Variants in AP3B1 observed in about 807,000 individuals in gnomAD.
AP3B1 encodes AP-3 complex subunit beta-1.
AP3B1 carries 61 observed loss-of-function variants against 132.5 expected under a neutral mutation model. The observed-to-expected ratio is 0.46, with a 90% confidence interval of 0.37 to 0.57. The LOEUF (loss-of-function observed/expected upper bound fraction) is 0.57. Ranked by LOEUF, AP3B1 falls within the 20% of genes least tolerant of loss-of-function variation. The pLI is 0.00. For missense variants in AP3B1, 1,120 were observed against 1,289.4 expected (o/e 0.87, Z 2.01); for synonymous variants, 388 against 438.3 (o/e 0.89, Z 1.43).
intron 1 of AP3B1, among the ~76,000 whole-genome samples, chr5:78,272,031 C>T (rs1050708902): frequency 6.6e-6 from 1 of 152,150 alleles, no homozygotes; most frequent in Non-Finnish European, 1.5e-5. Context: ...GAAACATTTG[C>T]CATCTATTGT....
chr5:78,128,214 A>C, intron 16 of AP3B1, 54 bp from the exon 17 acceptor site: 14 of 1,438,302 alleles, frequency 9.7e-6, no homozygotes, highest in Non-Finnish European at 1.3e-5. Flanking sequence ...TATATAACAG[A>C]GAACAATCAT....
At chr5:78,038,259 C>T (rs1377845249) in intron 23 of AP3B1, among the ~76,000 whole-genome samples, 1 of 152,118 alleles carries the variant, frequency 6.6e-6, no homozygotes, top group Non-Finnish European at 1.5e-5. Context: ...AGATTGAAAA[C>T]ATGTAAAAAT....
intron 9 of AP3B1, among the ~76,000 whole-genome samples, chr5:78,176,994 T>C (rs1052887649): frequency 6.6e-6 from 1 of 152,204 alleles, no homozygotes; most frequent in Non-Finnish European, 1.5e-5. Context: ...TACTTCAGTA[T>C]AGTTTTTCAG....
At position 78,074,933 on chromosome 5, in the gene AP3B1, CA is replaced by C. The variant is rs1020356556; in HGVS notation, c.2577+14459del. On this transcript the variant is annotated intron_variant, in intron 22 of 26. Coordinates refer to ENST00000255194, the MANE Select transcript of AP3B1 (RefSeq NM_003664.5). ...GGGCAACAAAAGCAAAACCCTGTCT[CA>C]AAAAAAAAAGATGATTCTTCTACTA... Among the ~76,000 whole-genome samples, 97 of 145,388 alleles carry C rather than the reference CA, an allele frequency of 6.7e-4. 1 individual carries two copies. The highest frequency in any genetic ancestry group is 9.9e-4 in the Non-Finnish European group (65 of 65,866).
intron 19 of AP3B1, among the ~76,000 whole-genome samples, chr5:78,112,063 G>A (rs368564742): frequency 1.3e-5 from 2 of 152,006 alleles, no homozygotes; most frequent in African/African-American, 2.4e-5. Flanking sequence ...TTACTAAAGG[G>A]TGGTTTTTGA....
chr5:78,113,967 T>C, intron 18 of AP3B1, 44 bp from the exon 19 acceptor site: 1 of 1,593,892 alleles, frequency 6.3e-7, no homozygotes, highest in Non-Finnish European at 8.6e-7. Flanking sequence ...AGTCATTTAA[T>C]TAGACACACG....
intron 7 of AP3B1, among the ~76,000 whole-genome samples, chr5:78,184,262 C>T (rs895344815): frequency 1.3e-5 from 2 of 151,478 alleles, no homozygotes; most frequent in African/African-American, 4.8e-5. Context: ...AGAACCAAAA[C>T]TAAAAACCTA....
chr5:78,067,249 G>A, intron 22 of AP3B1, among the ~76,000 whole-genome samples: 1 of 152,164 alleles, frequency 6.6e-6, no homozygotes, highest in Middle Eastern at 3.2e-3. Flanking sequence ...ACCTAATATA[G>A]GAGCACCCAG....
chr5:78,166,962 A>G (rs978981952), intron 11 of AP3B1, among the ~76,000 whole-genome samples: 23 of 152,234 alleles, frequency 1.5e-4, no homozygotes, highest in East Asian at 1.9e-4. Flanking sequence ...CCCAAACCCA[A>G]TAACAAATGC....
chr5:78,158,765 C>A (rs147367623), intron 13 of AP3B1, among the ~76,000 whole-genome samples: 1 of 151,388 alleles, frequency 6.6e-6, no homozygotes, highest in African/African-American at 2.4e-5. Context: ...GGCGCAATCT[C>A]GGCTCACTGC....
chr5:78,074,677 G>A (rs1246210000), intron 22 of AP3B1, among the ~76,000 whole-genome samples: 2 of 152,162 alleles, frequency 1.3e-5, no homozygotes, highest in Admixed American at 6.5e-5. Context: ...CACCGGGCAC[G>A]GTGGCTCATG....
rs1245621782 is a variant in AP3B1, at chr5:78,114,053, AACATTTTATTCCC to A, written c.2078-143_2078-131del. On this transcript the variant is annotated intron_variant, in intron 18 of 26. Coordinates refer to ENST00000255194, the MANE Select transcript of AP3B1 (RefSeq NM_003664.5). ...TTAGTTCAGTGGACACCACTTGTTT[AACATTTTATTCCC>A]ACACCCCATTCTTTCAGCTCTATGG... is the stretch of plus-strand genomic sequence containing the variant. 65 of 1,005,552 alleles carry A rather than the reference AACATTTTATTCCC, an allele frequency of 6.5e-5. No homozygotes were observed. The African/African-American group carries it at 9.3e-4, about 14-fold the overall frequency. The allele number at this position is 1,005,552 out of a possible 1,614,324, so 62.3% of individuals were successfully genotyped here.
At chr5:78,201,141 T>C (rs1022798803) in intron 7 of AP3B1, among the ~76,000 whole-genome samples, 1 of 152,160 alleles carries the variant, frequency 6.6e-6, no homozygotes, top group African/African-American at 2.4e-5. Flanking sequence ...ATCAGAACTG[T>C]GAGAAAATAA....
At chr5:78,075,267 C>T (rs1749717836) in intron 22 of AP3B1, among the ~76,000 whole-genome samples, 1 of 152,190 alleles carries the variant, frequency 6.6e-6, no homozygotes, top group South Asian at 2.1e-4. Flanking sequence ...TAACTTCAAT[C>T]ACAATAGTTA....
At chr5:78,203,822 T>C (rs1290930269) in intron 7 of AP3B1, among the ~76,000 whole-genome samples, 3 of 152,208 alleles carry the variant, frequency 2.0e-5, no homozygotes, top group African/African-American at 4.8e-5. Context: ...ATAATCTCAA[T>C]TGACTTAAGT....
In AP3B1 at chr5:78,206,617, G is replaced by A. The variant is rs149262119; in HGVS notation, c.786+9438C>T. Among the ~76,000 whole-genome samples the A allele has an allele frequency of 9.1e-4, 138 of 152,058 alleles. 1 individual carries two copies. The highest frequency in any genetic ancestry group is 3.1e-3 in the African/African-American group (130 of 41,474). On this transcript the variant is annotated intron_variant, in intron 7 of 26. Transcript: ENST00000255194. ...TCACTCAACACGTTACTAAGAACACGAAATCAATCAAACAGAAGTTCAAAG... is the reference window on the plus strand; with the variant it reads ...TCACTCAACACGTTACTAAGAACACAAAATCAATCAAACAGAAGTTCAAAG...
At chr5:78,165,715 T>G (rs771399828) in intron 11 of AP3B1, 43 bp from the exon 12 acceptor site, 2 of 1,325,038 alleles carry the variant, frequency 1.5e-6, no homozygotes. Flanking sequence ...AAAACAAAGG[T>G]AGCAAGATGA....
At chr5:78,225,730 A>G (rs1746373988) in intron 5 of AP3B1, 122 bp from the exon 6 acceptor site, 1 of 622,276 alleles carries the variant, frequency 1.6e-6, no homozygotes, top group Non-Finnish European at 2.8e-6. Context: ...ATTATAAGTT[A>G]GAAATAAAGA....
At chr5:78,171,756 C>G (rs1398028607) in intron 11 of AP3B1, among the ~76,000 whole-genome samples, 2 of 152,128 alleles carry the variant, frequency 1.3e-5, no homozygotes, top group African/African-American at 4.8e-5. Flanking sequence ...ATTGCCCTGG[C>G]CAGAACTGCC....
Sources: gnomAD v4.1 joint callset for allele counts (sites outside exome capture counted in the v4.1 genomes callset) on GRCh38, gnomAD v4.1.1 for gene constraint, MANE v1.5 for transcripts, NCBI Gene and HGNC (gene_info 2026-07-23, HGNC 2026-07-21) for gene names.